The following SLC6A11 variants were observed in gnomAD, a reference collection of about 807,000 sequenced individuals.
The protein encoded by SLC6A11 is solute carrier family 6 member 11.
In SLC6A11, 25 loss-of-function variants were observed where a neutral mutation model predicts 74.8. The observed-to-expected ratio is 0.33, with a 90% confidence interval of 0.24 to 0.47. The LOEUF (loss-of-function observed/expected upper bound fraction) is 0.47, where lower values mean the gene tolerates loss of function less well. SLC6A11 is among the 20% of genes least tolerant of loss of function. The pLI, the probability that SLC6A11 is intolerant of heterozygous loss-of-function variation, is 1.00. For synonymous variants in SLC6A11, 330 were observed against 330.2 expected, an observed-to-expected ratio of 1.00 and a Z score of 0.01; for missense variants, 574 against 837.0, an observed-to-expected ratio of 0.69 and a Z score of 3.88.
At chr3:10,922,576 G>A (rs150628969) in intron 8 of SLC6A11, among the ~76,000 whole-genome samples, 8 of 152,208 alleles carry the variant, frequency 5.3e-5, no homozygotes, top group African/African-American at 7.2e-5. Flanking sequence ...AGGGGTGGTC[G>A]GAAAAGGGGT....
chr3:10,851,900 G>C (rs1694580820), intron 5 of SLC6A11, among the ~76,000 whole-genome samples: 1 of 152,184 alleles, frequency 6.6e-6, no homozygotes, highest in African/African-American at 2.4e-5. Flanking sequence ...GGCTGCAGGA[G>C]GCTCCTCCCC....
intron 6 of SLC6A11, among the ~76,000 whole-genome samples, chr3:10,898,829 G>C (rs1003847164): frequency 6.6e-6 from 1 of 152,106 alleles, no homozygotes; most frequent in African/African-American, 2.4e-5. Context: ...CCAATTTACT[G>C]TATTAGTCCA....
At chr3:10,844,875 A>G (rs886752452) in intron 5 of SLC6A11, among the ~76,000 whole-genome samples, 1 of 152,102 alleles carries the variant, frequency 6.6e-6, no homozygotes. Context: ...CAGGGAAGAG[A>G]AACTGGAGGA....
chr3:10,876,731 C>T lies in SLC6A11; in HGVS notation c.891+1636C>T, dbSNP rs1290302847. On this transcript the variant is annotated intron_variant, in intron 6 of 13. Transcript: ENST00000254488. ...ATCCAGGTGGCACCTACACCTTAAA[C>T]GCCCCGCCCCCCCCCCCCCGCCCCA... Among the ~76,000 whole-genome samples the T allele has an allele frequency of 2.4e-4, 8 of 33,056 alleles. 1 individual carries two copies. The highest frequency in any genetic ancestry group is 5.9e-4 in the African/African-American group (7 of 11,942). The allele number at this position is 33,056 out of a possible 152,430, so 21.7% of individuals were successfully genotyped here. A position where few individuals can be genotyped will look rare whatever the true frequency, so the allele number is the denominator to read the frequency against.
intron 6 of SLC6A11, among the ~76,000 whole-genome samples, chr3:10,899,694 G>C (rs1049402559): frequency 6.6e-6 from 1 of 152,234 alleles, no homozygotes; most frequent in Non-Finnish European, 1.5e-5. Flanking sequence ...TTCCAGGCCA[G>C]CATAAGTGCC....
At chr3:10,860,424 CA>C (rs1307789123) in intron 5 of SLC6A11, among the ~76,000 whole-genome samples, 1 of 152,090 alleles carries the variant, frequency 6.6e-6, no homozygotes, top group Non-Finnish European at 1.5e-5. Context: ...GCTCTGGGAA[CA>C]AGTGGGACAG....
chr3:10,818,250 G>C (rs755761066), intron 1 of SLC6A11, among the ~76,000 whole-genome samples: 14 of 152,028 alleles, frequency 9.2e-5, no homozygotes, highest in Non-Finnish European at 1.8e-4. Context: ...TTCTGAAAGT[G>C]TCATACGTTA....
chr3:10,873,426 T>TATGGC (rs1559566678), intron 5 of SLC6A11, among the ~76,000 whole-genome samples: 1 of 151,308 alleles, frequency 6.6e-6, no homozygotes, highest in African/African-American at 2.4e-5. Flanking sequence ...TATCCTATCC[T>TATGGC]ATCCTATCCT....
intron 6 of SLC6A11, among the ~76,000 whole-genome samples, chr3:10,906,882 T>C (rs1232348503): frequency 6.6e-6 from 1 of 152,236 alleles, no homozygotes; most frequent in Non-Finnish European, 1.5e-5. Flanking sequence ...AAGTTCAGAC[T>C]GCAAGTCTAG....
chr3:10,912,086 A>G lies in SLC6A11; in HGVS notation c.892-4A>G. 6.2e-7 allele frequency: 1 copy of G among 1,605,650 alleles called. No individual in the cohort carries two copies. Among genetic ancestry groups the G allele is most frequent in the Non-Finnish European group, 8.5e-7 (1 of 1,172,326 alleles). ...TATGCCAACATCTTTGTGCCTTCCT[A>G]CAGGTCTGGGTAGATGCTGGAACGC... On this transcript the variant is annotated splice_polypyrimidine_tract_variant and splice_region_variant and intron_variant, in intron 6 of 13. Coordinates refer to ENST00000254488, the MANE Select transcript of SLC6A11 (RefSeq NM_014229.3).
At position 10,939,312 on chromosome 3, in the gene SLC6A11, G is replaced by A. The variant is rs1356203459; in HGVS notation, c.*910G>A. ...TGGGTCCTCAGCCCCCATGGCAGGG[G>A]CTCCTCTGTCTGGCCTGCCTTTTTT... On this transcript the variant is annotated 3_prime_UTR_variant, in exon 14 of 14. Coordinates refer to ENST00000254488, the MANE Select transcript of SLC6A11 (RefSeq NM_014229.3). The A allele has an allele frequency of 6.6e-6, 1 of 152,220 alleles. No homozygotes were observed. Among genetic ancestry groups the A allele is most frequent in the Non-Finnish European group, 1.5e-5 (1 of 68,086 alleles). The allele number at this position is 152,220 out of a possible 1,614,324, so 9.4% of individuals were successfully genotyped here. A position where few individuals can be genotyped will look rare whatever the true frequency, so the allele number is the denominator to read the frequency against.
Position 10,918,383 on chromosome 3 carries a change from T to C in SLC6A11, c.1050T>C (p.Phe350=). The change falls in exon 8 of 14, where the codon TTT becomes TTC. Residue 350 remains phenylalanine, a synonymous_variant. Coordinates refer to ENST00000254488, the MANE Select transcript of SLC6A11 (RefSeq NM_014229.3). The surrounding 1 kb of genome is among the most constrained non-coding windows in gnomAD (Gnocchi z 4.5). ...GCGGCACCAGCTTCGTGGCTGGGTTTGCCATCTTCTCAGTCCTGGGTTTTA... is the reference window on the plus strand; with the variant it reads ...GCGGCACCAGCTTCGTGGCTGGGTTCGCCATCTTCTCAGTCCTGGGTTTTA... The part of the protein sequence containing the change: ...LNSGTSFVAG[F]AIFSVLGFMA... 6.2e-7 allele frequency: 1 copy of C among 1,609,570 alleles called. No individual in the cohort carries two copies. The highest frequency in any genetic ancestry group is 8.5e-7 in the Non-Finnish European group (1 of 1,178,318).
In SLC6A11 at chr3:10,938,656, G is replaced by A. The variant is rs1180155712; in HGVS notation, c.*254G>A. On this transcript the variant is annotated 3_prime_UTR_variant, in exon 14 of 14. Transcript: ENST00000254488. The stretch of plus-strand genomic sequence containing the variant: ...CTGCCAGATCTTCTGTCCTAGGGCA[G>A]TTTTAATCAATGTTTTCTAGGGATT... The A allele has an allele frequency of 2.9e-6, 1 of 340,106 alleles. No individual in the cohort carries two copies. Among genetic ancestry groups the A allele is most frequent in the African/African-American group, 2.1e-5 (1 of 48,256 alleles). The allele number at this position is 340,106 out of a possible 1,614,324, so 21.1% of individuals were successfully genotyped here.
chr3:10,875,646 TA>T (rs1033438722), intron 6 of SLC6A11, among the ~76,000 whole-genome samples: 1 of 152,128 alleles, frequency 6.6e-6, no homozygotes, highest in African/African-American at 2.4e-5. Context: ...TAGCTCGTAG[TA>T]AAAAAAGAGT....
At chr3:10,903,945 A>G (rs1163208469) in intron 6 of SLC6A11, among the ~76,000 whole-genome samples, 3 of 152,266 alleles carry the variant, frequency 2.0e-5, no homozygotes, top group Non-Finnish European at 4.4e-5. Flanking sequence ...CATCTAAGAA[A>G]TTAGACATTC....
intron 5 of SLC6A11, among the ~76,000 whole-genome samples, chr3:10,856,908 C>T (rs1047227222): frequency 6.6e-6 from 1 of 152,138 alleles, no homozygotes; most frequent in Non-Finnish European, 1.5e-5. Context: ...TGAGAAACCC[C>T]CACCTCACGG....
chr3:10,909,292 C>T (rs895984827), intron 6 of SLC6A11, among the ~76,000 whole-genome samples: 4 of 151,532 alleles, frequency 2.6e-5, no homozygotes, highest in Admixed American at 6.6e-5. Flanking sequence ...GTGCTGTTAC[C>T]GAAAAAGGAA....
chr3:10,887,362 A>G (rs1468093578), intron 6 of SLC6A11, among the ~76,000 whole-genome samples: 2 of 152,192 alleles, frequency 1.3e-5, no homozygotes, highest in Admixed American at 6.5e-5. Context: ...AGTGATTCAG[A>G]TAAAGGAACA....
chr3:10,840,262 G>A (rs1694421057), intron 4 of SLC6A11, among the ~76,000 whole-genome samples: 2 of 152,174 alleles, frequency 1.3e-5, no homozygotes, highest in Admixed American at 6.5e-5. Flanking sequence ...GCCTCGTGGT[G>A]TTCTCCCCAG....
Sources: allele counts gnomAD v4.1 joint callset (sites outside exome capture counted in the v4.1 genomes callset), GRCh38; gene constraint gnomAD v4.1.1; non-coding constraint Gnocchi (gnomAD v3.1); transcripts MANE v1.5; gene names NCBI Gene and HGNC (gene_info 2026-07-23, HGNC 2026-07-21).